Variants in FRZB observed in about 807,000 individuals in gnomAD.
FRZB encodes the protein frizzled related protein.
A neutral mutation model predicts 32.5 loss-of-function variants in FRZB; 34 were observed. The ratio of observed to expected loss-of-function variants is 1.05; its 90% CI spans 0.80 to 1.39. The LOEUF (loss-of-function observed/expected upper bound fraction) is 1.39, where lower values mean the gene tolerates loss of function less well. Among genes scored for constraint, FRZB ranks in the 40% most tolerant of loss-of-function variants. The pLI, the probability that FRZB is intolerant of heterozygous loss-of-function variation, is 0.00. For synonymous variants in FRZB, 170 were observed against 159.2 expected (o/e 1.07, Z -0.51); for missense variants, 423 against 424.8 (o/e 1.00, Z 0.04).
chr2:182,860,963 A>G (rs1324111469), intron 1 of FRZB, among the ~76,000 whole-genome samples: 1 of 152,074 alleles, frequency 6.6e-6, no homozygotes, highest in African/African-American at 2.4e-5. Context: ...AAACAAGTGC[A>G]TGACTATGGG....
At chr2:182,846,733 T>A (rs1364925286) in intron 2 of FRZB, among the ~76,000 whole-genome samples, 3 of 152,194 alleles carry the variant, frequency 2.0e-5, no homozygotes, top group Admixed American at 6.5e-5. Context: ...TTTTATAATT[T>A]GAAGATCCAG....
intron 2 of FRZB, among the ~76,000 whole-genome samples, chr2:182,845,551 C>A (rs1446675667): frequency 6.6e-6 from 1 of 151,050 alleles, no homozygotes; most frequent in South Asian, 2.1e-4. Context: ...TGCCTTGGTG[C>A]TTTATGTAAG....
At position 182,834,805 on chromosome 2, in the gene FRZB, G is replaced by T. The variant is rs199621787; in HGVS notation, c.*44C>A. The T allele has an allele frequency of 2.9e-6, 4 of 1,363,456 alleles. No homozygotes were observed. The highest frequency in any genetic ancestry group is 4.2e-6 in the Non-Finnish European group (4 of 952,070). 84.5% of individuals were successfully genotyped at this position (1,363,456 alleles called of 1,614,324 possible). A position where few individuals can be genotyped will look rare whatever the true frequency, so the allele number is the denominator to read the frequency against. ...TTTGCTAGTCCAGCAATGCAAGTAA[G>T]TCTTAATAGGAAGTCCACTGTGTTA... is the stretch of plus-strand genomic sequence containing the variant. On this transcript the variant is annotated 3_prime_UTR_variant, in exon 6 of 6. Transcript: ENST00000295113.
chr2:182,856,066 G>T (rs1015532204), intron 2 of FRZB, among the ~76,000 whole-genome samples: 4 of 152,040 alleles, frequency 2.6e-5, no homozygotes, highest in Non-Finnish European at 5.9e-5. Flanking sequence ...AAGGTGAAAT[G>T]AGAATATTTT....
At chr2:182,854,628 G>A (rs1368600809) in intron 2 of FRZB, among the ~76,000 whole-genome samples, 2 of 152,172 alleles carry the variant, frequency 1.3e-5, no homozygotes, top group Non-Finnish European at 2.9e-5. Flanking sequence ...TAACAGCAAC[G>A]GCTGCAACAA....
rs769363189 is a variant in FRZB at position 182,866,331 on chromosome 2, AC to A, written c.221del (p.Gly74ValfsTer133). On this transcript the variant is annotated frameshift_variant, in exon 1 of 6. Transcript: ENST00000295113. LOFTEE classifies it high-confidence loss of function. This position sits in a 1 kb window ranked among gnomAD's most constrained non-coding sequence, Gnocchi z 4.5. ...NAILAIEQFE[G>X]LLGTHCSPDL... The stretch of plus-strand genomic sequence containing the variant: ...CGGGGCTGCAGTGGGTGCCCAGCAG[AC>A]CTTCGAACTGCTCGATGGCCAGGAT... 1.9e-6 allele frequency: 3 copies of A among 1,614,018 alleles called. No individual in the cohort carries two copies. Among genetic ancestry groups the A allele is most frequent in the Non-Finnish European group, 2.5e-6 (3 of 1,179,980 alleles).
intron 2 of FRZB, among the ~76,000 whole-genome samples, chr2:182,847,369 G>A (rs558883864): frequency 6.6e-6 from 1 of 152,326 alleles, no homozygotes; most frequent in East Asian, 1.9e-4. Flanking sequence ...GCAGCATCCA[G>A]TGATGTGGAA....
At chr2:182,849,603 A>G (rs916886091) in intron 2 of FRZB, among the ~76,000 whole-genome samples, 4 of 152,212 alleles carry the variant, frequency 2.6e-5, no homozygotes, top group African/African-American at 4.8e-5. Context: ...TAGGCGATAT[A>G]ACAAGGCTTT....
intron 1 of FRZB, among the ~76,000 whole-genome samples, chr2:182,862,699 C>CA (rs1335747425): frequency 6.6e-5 from 10 of 152,022 alleles, no homozygotes; most frequent in Admixed American, 3.3e-4. Context: ...AAAACAGCAG[C>CA]AGCACTTTTT....
Position 182,866,219 on chromosome 2 carries a change from A to G in FRZB, c.334T>C (p.Cys112Arg). The G allele has an allele frequency of 1.9e-6, 3 of 1,614,146 alleles. No individual in the cohort carries two copies. Among genetic ancestry groups the G allele is most frequent in the Non-Finnish European group, 2.5e-6 (3 of 1,180,034 alleles). Residue 112 changes from cysteine to arginine, a missense_variant, in exon 1 of 6, where the codon TGC becomes CGC. Physicochemically the swap from Cys to Arg is radical, Grantham distance 180. Coordinates refer to ENST00000295113, the MANE Select transcript of FRZB (RefSeq NM_001463.4). The surrounding 1 kb of genome is among the most constrained non-coding windows in gnomAD (Gnocchi z 4.5). Reference protein sequence around the residue: ...HEPIKPCKSVCERARQGCEPI... With the variant: ...HEPIKPCKSVRERARQGCEPI... ...TCACAGCCCTGCCGGGCCCGCTCGC[A>G]CACAGACTTACAGGGCTTGATGGGC...
rs1225950618 is a variant in FRZB, at chr2:182,838,612, G to T, written c.594C>A (p.Val198=). The change falls in exon 4 of 6, where the codon GTC becomes GTA. Residue 198 remains valine, a splice_region_variant and synonymous_variant. Coordinates refer to ENST00000295113, the MANE Select transcript of FRZB (RefSeq NM_001463.4). ...TTATCTCTTTAACTTTAGCCCGAAT[G>T]ACTGGGATAAAAGACAAGAAAAGCT... ...KTYFRNNYNY[V]IRAKVKEIKT... 1.2e-6 allele frequency: 2 copies of T among 1,610,726 alleles called. No homozygotes were observed. The highest frequency in any genetic ancestry group is 1.7e-5 in the Admixed American group (1 of 59,888).
chr2:182,865,429 C>T (rs1192449794), intron 1 of FRZB, among the ~76,000 whole-genome samples: 11 of 152,038 alleles, frequency 7.2e-5, no homozygotes, highest in Admixed American at 3.3e-4. Flanking sequence ...TTGTTTCATT[C>T]TGGAATGGAA....
chr2:182,865,018 T>C (rs1480671093), intron 1 of FRZB, among the ~76,000 whole-genome samples: 1 of 152,164 alleles, frequency 6.6e-6, no homozygotes. Context: ...ATGAAGTAGG[T>C]TTAGTTGGGG....
At chr2:182,859,356 A>C (rs1245549579) in intron 1 of FRZB, among the ~76,000 whole-genome samples, 1 of 152,184 alleles carries the variant, frequency 6.6e-6, no homozygotes, top group African/African-American at 2.4e-5. Flanking sequence ...GGGACTATTC[A>C]AGCCAGTGCA....
At chr2:182,860,110 A>C (rs915131989) in intron 1 of FRZB, among the ~76,000 whole-genome samples, 1 of 152,188 alleles carries the variant, frequency 6.6e-6, no homozygotes, top group African/African-American at 2.4e-5. Flanking sequence ...TGCTTGGTGA[A>C]AGGGAATCAC....
intron 2 of FRZB, among the ~76,000 whole-genome samples, chr2:182,850,797 C>T (rs142373077): frequency 2.0e-5 from 3 of 152,230 alleles, no homozygotes; most frequent in African/African-American, 4.8e-5. Context: ...TTGAAGAACT[C>T]CCTATTGTTT....
rs1242855750 is a variant in FRZB at position 182,866,403 on chromosome 2, C to T, written c.150G>A (p.Met50Ile). ...IPLCKSLPWN[M>I]TKMPNHLHHS... ...GGTGCAGGTGGTTGGGCATCTTAGTCATGTTCCAGGGCAGGGACTTGCACA... is the reference window on the plus strand; with the variant it reads ...GGTGCAGGTGGTTGGGCATCTTAGTTATGTTCCAGGGCAGGGACTTGCACA... Residue 50 changes from methionine (M) to isoleucine (I), a missense_variant, in exon 1 of 6, where the codon ATG becomes ATA. Met to Ile is a conservative substitution (Grantham distance 10). Coordinates refer to ENST00000295113, the MANE Select transcript of FRZB (RefSeq NM_001463.4). The surrounding 1 kb of genome is among the most constrained non-coding windows in gnomAD (Gnocchi z 4.5). 6.2e-7 allele frequency: 1 copy of T among 1,611,380 alleles called. No individual in the cohort carries two copies. The highest frequency in any genetic ancestry group is 8.5e-7 in the Non-Finnish European group (1 of 1,178,172).
intron 1 of FRZB, among the ~76,000 whole-genome samples, chr2:182,862,179 A>C (rs1360888330): frequency 6.6e-6 from 1 of 152,228 alleles, no homozygotes; most frequent in East Asian, 1.9e-4. Context: ...CCTGCATATG[A>C]AAGTTGGCAC....
In FRZB at chr2:182,833,801, G is replaced by A. The variant is rs1695492453; in HGVS notation, c.*1048C>T. ...GTATTTTAATCCACCTTGGGTGTGAGTGCAAGGACACACATGTACACAAAT... is the reference window on the plus strand; with the variant it reads ...GTATTTTAATCCACCTTGGGTGTGAATGCAAGGACACACATGTACACAAAT... On this transcript the variant is annotated 3_prime_UTR_variant, in exon 6 of 6. Coordinates refer to ENST00000295113, the MANE Select transcript of FRZB (RefSeq NM_001463.4). The A allele has an allele frequency of 6.6e-6, 1 of 152,056 alleles. No individual in the cohort carries two copies. The highest frequency in any genetic ancestry group is 1.5e-5 in the Non-Finnish European group (1 of 68,016). 9.4% of individuals were successfully genotyped at this position (152,056 alleles called of 1,614,324 possible). A position where few individuals can be genotyped will look rare whatever the true frequency, so the allele number is the denominator to read the frequency against.
Sources: allele counts gnomAD v4.1 joint callset (sites outside exome capture counted in the v4.1 genomes callset), GRCh38; gene constraint gnomAD v4.1.1; non-coding constraint Gnocchi (gnomAD v3.1); transcripts MANE v1.5; gene names NCBI Gene and HGNC (gene_info 2026-07-23, HGNC 2026-07-21).